The following RANBP17 variants were observed in gnomAD, a reference collection of about 807,000 sequenced individuals.
RANBP17 encodes the protein RAN binding protein 17.
Under a neutral mutation model 141.2 loss-of-function variants are expected in RANBP17, and 158 were observed. The observed-to-expected ratio is 1.12, with a 90% CI of 0.98 to 1.28. The LOEUF is 1.28. RANBP17 is among the 50% of genes most tolerant of loss of function. RANBP17 has a pLI of 0.00. For synonymous variants in RANBP17, 430 were observed against 450.0 expected (o/e 0.96, Z 0.56); for missense variants, 1,438 against 1,290.7 (o/e 1.11, Z -1.75).
chr5:170,943,824 A>G (rs1323564385), intron 12 of RANBP17, among the ~76,000 whole-genome samples: 2 of 152,190 alleles, frequency 1.3e-5, no homozygotes, highest in Admixed American at 1.3e-4. Context: ...TGACTACTAC[A>G]GTCAGCCAAA....
chr5:171,277,661 A>ATATATATATATATATATATATG, intron 25 of RANBP17, among the ~76,000 whole-genome samples: 1 of 133,624 alleles, frequency 7.5e-6, no homozygotes, highest in Non-Finnish European at 1.6e-5. Flanking sequence ...ATATATATAT[A>ATATATATATATATATATATATG]TATATATTTA....
chr5:171,042,007 A>G (rs1321974898), intron 14 of RANBP17, among the ~76,000 whole-genome samples: 1 of 151,884 alleles, frequency 6.6e-6, no homozygotes, highest in Non-Finnish European at 1.5e-5. Context: ...AGTCTTCTGT[A>G]CCTGTGTTAG....
chr5:171,177,039 T>C lies in RANBP17; in HGVS notation c.1865+5753T>C, dbSNP rs141472382. ...AGTATTAAAATGCATTGCTTTATTT[T>C]ACTGAATACCACCATCTCCAGATGG... On this transcript the variant is annotated intron_variant, in intron 16 of 27. Coordinates refer to ENST00000523189, the MANE Select transcript of RANBP17 (RefSeq NM_022897.5). Among the ~76,000 whole-genome samples, 60 of 152,356 alleles carry C rather than the reference T, an allele frequency of 3.9e-4. 1 individual carries two copies. In the East Asian group the frequency reaches 0.011, roughly 27 times the overall value.
chr5:171,011,359 G>T (rs771497835), intron 14 of RANBP17, among the ~76,000 whole-genome samples: 1 of 151,608 alleles, frequency 6.6e-6, no homozygotes. Flanking sequence ...TATGTTTTTT[G>T]GCCTATATAG....
chr5:171,001,748 G>A (rs993355163), intron 14 of RANBP17, among the ~76,000 whole-genome samples: 6 of 152,134 alleles, frequency 3.9e-5, no homozygotes, highest in Non-Finnish European at 8.8e-5. Context: ...CCAAGAGCCT[G>A]AGAAACTGCT....
intron 24 of RANBP17, among the ~76,000 whole-genome samples, chr5:171,254,702 T>C (rs1210774598): frequency 1.3e-5 from 2 of 152,188 alleles, no homozygotes; most frequent in Non-Finnish European, 2.9e-5. Flanking sequence ...ATTAGTAAGT[T>C]GTCTGACAGT....
At chr5:170,891,003 A>T (rs1198890505) in intron 3 of RANBP17, among the ~76,000 whole-genome samples, 9 of 152,124 alleles carry the variant, frequency 5.9e-5, no homozygotes, top group African/African-American at 2.2e-4. Context: ...TGTTTTAACA[A>T]TTTTTTGTAG....
At chr5:171,036,912 G>A (rs1781916684) in intron 14 of RANBP17, among the ~76,000 whole-genome samples, 1 of 152,104 alleles carries the variant, frequency 6.6e-6, no homozygotes, top group South Asian at 2.1e-4. Context: ...GAGTACATGT[G>A]TTTTTTTGAT....
intron 5 of RANBP17, among the ~76,000 whole-genome samples, chr5:170,899,043 C>A (rs1744968880): frequency 6.6e-6 from 1 of 152,074 alleles, no homozygotes; most frequent in Non-Finnish European, 1.5e-5. Context: ...GTAGTTTTTT[C>A]TAATTCTGTG....
intron 2 of RANBP17, among the ~76,000 whole-genome samples, chr5:170,881,005 A>G (rs186213743): frequency 2.9e-4 from 44 of 152,370 alleles, no homozygotes; most frequent in African/African-American, 1.0e-3. Flanking sequence ...GAAAGCAGCC[A>G]TAGGCAGTGT....
At chr5:170,963,947 G>A (rs1471200062) in intron 13 of RANBP17, among the ~76,000 whole-genome samples, 1 of 152,086 alleles carries the variant, frequency 6.6e-6, no homozygotes, top group African/African-American at 2.4e-5. Context: ...AAAAAATCAG[G>A]AAAGGATATG....
At chr5:171,169,602 G>T (rs1759953377) in intron 14 of RANBP17, among the ~76,000 whole-genome samples, 1 of 152,136 alleles carries the variant, frequency 6.6e-6, no homozygotes, top group Non-Finnish European at 1.5e-5. Context: ...AGACGTACCT[G>T]TATATTTGGG....
At chr5:171,179,395 A>G (rs1010293051) in intron 16 of RANBP17, among the ~76,000 whole-genome samples, 2 of 151,980 alleles carry the variant, frequency 1.3e-5, no homozygotes, top group African/African-American at 4.8e-5. Context: ...TGTGTCTAGT[A>G]GGGTTCATGA....
intron 14 of RANBP17, among the ~76,000 whole-genome samples, chr5:171,167,319 A>G (rs1293950530): frequency 1.3e-5 from 2 of 152,190 alleles, no homozygotes; most frequent in Non-Finnish European, 2.9e-5. Flanking sequence ...GCATAATAAA[A>G]TGATTAAAAC....
chr5:171,121,724 C>T (rs1346899148), intron 14 of RANBP17, among the ~76,000 whole-genome samples: 3 of 152,142 alleles, frequency 2.0e-5, no homozygotes, highest in African/African-American at 7.2e-5. Context: ...GACCAGGCTC[C>T]ATGCAACTAG....
intron 11 of RANBP17, among the ~76,000 whole-genome samples, chr5:170,920,044 T>G (rs944463000): frequency 1.4e-4 from 21 of 152,146 alleles, no homozygotes; most frequent in African/African-American, 4.8e-4. Context: ...TATATCAGTT[T>G]GTTTACCAAT....
intron 13 of RANBP17, among the ~76,000 whole-genome samples, chr5:170,955,729 A>C (rs1403483952): frequency 7.4e-6 from 1 of 136,000 alleles, no homozygotes; most frequent in Non-Finnish European, 1.6e-5. Flanking sequence ...AAATTATTTC[A>C]ATCTACATAA....
chr5:171,020,583 T>A (rs1462451955), intron 14 of RANBP17, among the ~76,000 whole-genome samples: 4 of 152,132 alleles, frequency 2.6e-5, no homozygotes, highest in African/African-American at 9.7e-5. Context: ...GAGACTAGGA[T>A]TGTAACCCCT....
intron 14 of RANBP17, among the ~76,000 whole-genome samples, chr5:171,046,189 A>G (rs1196989022): frequency 2.0e-5 from 3 of 148,258 alleles, no homozygotes; most frequent in Non-Finnish European, 3.0e-5. Flanking sequence ...TACCCTATTC[A>G]TGCCTATAGT....
Sources: allele counts gnomAD v4.1 joint callset (sites outside exome capture counted in the v4.1 genomes callset), GRCh38; gene constraint gnomAD v4.1.1; transcripts MANE v1.5; gene names NCBI Gene and HGNC (gene_info 2026-07-23, HGNC 2026-07-21).